Variants in KANK1 observed in about 807,000 individuals in gnomAD.
KANK1 encodes the protein KN motif and ankyrin repeat domain-containing protein 1.
A neutral mutation model predicts 106.2 loss-of-function variants in KANK1; 109 were observed. The ratio of observed to expected loss-of-function variants is 1.03; its 90% CI spans 0.88 to 1.20. The LOEUF is 1.20. Ranked by LOEUF, KANK1 falls within the 50% of genes most tolerant of loss-of-function variation. KANK1 has a pLI of 0.00. For synonymous variants in KANK1, 873 were observed against 652.2 expected, an observed-to-expected ratio of 1.34 and a Z score of -5.16; for missense variants, 2,399 against 1,710.7, an observed-to-expected ratio of 1.40 and a Z score of -7.10.
At chr9:494,617 G>A (rs1245177045) in intron 3 of KANK1, among the ~76,000 whole-genome samples, 8 of 152,164 alleles carry the variant, frequency 5.3e-5, no homozygotes, top group Non-Finnish European at 1.5e-5. Flanking sequence ...CAGCTGCCAT[G>A]TCATGGGCAG....
At chr9:658,532 T>TA (rs1248555651) in intron 1 of KANK1, among the ~76,000 whole-genome samples, 5 of 152,160 alleles carry the variant, frequency 3.3e-5, no homozygotes, top group African/African-American at 4.8e-5. Flanking sequence ...CTATGGCTCT[T>TA]ACTTTTGGTA....
intron 1 of KANK1, among the ~76,000 whole-genome samples, chr9:632,149 G>A (rs11793842): frequency 0.084 from 12,794 of 152,200 alleles, 970 homozygotes; most frequent in East Asian, 0.31. Context: ...ATGGTCAAAC[G>A]TTAGAAAGTG....
At chr9:626,889 G>A (rs924311200) in intron 1 of KANK1, among the ~76,000 whole-genome samples, 12 of 152,208 alleles carry the variant, frequency 7.9e-5, no homozygotes, top group Admixed American at 7.9e-4. Flanking sequence ...TGTTAAACCA[G>A]ATAGAAGACA....
At chr9:632,722 C>T (rs905993901) in intron 1 of KANK1, among the ~76,000 whole-genome samples, 1 of 152,132 alleles carries the variant, frequency 6.6e-6, no homozygotes, top group Non-Finnish European at 1.5e-5. Flanking sequence ...TGGAGTCTCT[C>T]TCTGTTGCCC....
rs1168486963 is a variant in KANK1 at position 712,767 on chromosome 9, T to C, written c.2001T>C (p.Arg667=). 6.2e-7 allele frequency: 1 copy of C among 1,613,880 alleles called. No individual in the cohort carries two copies. Among genetic ancestry groups the C allele is most frequent in the Admixed American group, 1.7e-5 (1 of 59,984 alleles). Residue 667 remains arginine (R), a synonymous_variant, in exon 3 of 12, where the codon CGT becomes CGC. Coordinates refer to ENST00000382297, the MANE Select transcript of KANK1 (RefSeq NM_015158.5). The part of the protein sequence containing the change: ...QVEAAVMAVP[R]TADQDTSTDL... ...AAGCTGCCGTCATGGCAGTGCCTCGTACTGCAGACCAGGACACTAGCACAG... is the reference window on the plus strand; with the variant it reads ...AAGCTGCCGTCATGGCAGTGCCTCGCACTGCAGACCAGGACACTAGCACAG...
intron 1 of KANK1, among the ~76,000 whole-genome samples, chr9:618,392 G>A (rs1205872631): frequency 6.6e-6 from 1 of 152,042 alleles, no homozygotes; most frequent in Non-Finnish European, 1.5e-5. Flanking sequence ...ATTTTTACTA[G>A]AGACAGGGTT....
At chr9:739,152 G>A (rs920084792) in intron 8 of KANK1, among the ~76,000 whole-genome samples, 1 of 152,110 alleles carries the variant, frequency 6.6e-6, no homozygotes, top group African/African-American at 2.4e-5. Context: ...TGAGGGAGGG[G>A]CACATACACA....
At chr9:710,670 G>C (rs1276202441) in intron 2 of KANK1, 134 bp from the exon 3 acceptor site, 2 of 456,206 alleles carry the variant, frequency 4.4e-6, no homozygotes, top group Admixed American at 3.7e-5. Context: ...AGCTGTTGTA[G>C]ATCCAGGTTC....
At chr9:630,428 G>A (rs1017591063) in intron 1 of KANK1, among the ~76,000 whole-genome samples, 5 of 151,584 alleles carry the variant, frequency 3.3e-5, no homozygotes, top group African/African-American at 9.7e-5. Context: ...GCGGGCGCCT[G>A]TAGTCCCAGC....
chr9:558,943 A>T (rs1304546759), intron 1 of KANK1: 3 of 152,156 alleles, frequency 2.0e-5, no homozygotes, highest in South Asian at 2.1e-4. Context: ...AAGAAAAAAA[A>T]ATTTTGGTTC....
At chr9:669,517 G>GA (rs1845426860) in intron 1 of KANK1, among the ~76,000 whole-genome samples, 1 of 131,768 alleles carries the variant, frequency 7.6e-6, no homozygotes, top group African/African-American at 2.6e-5. Flanking sequence ...GGTTTTTTGG[G>GA]GTTTTTTCTT....
chr9:552,748 A>G (rs1223246189), intron 1 of KANK1, among the ~76,000 whole-genome samples: 1 of 152,184 alleles, frequency 6.6e-6, no homozygotes, highest in Non-Finnish European at 1.5e-5. Context: ...AAATATTTTG[A>G]AATGTTTTCT....
intron 2 of KANK1, among the ~76,000 whole-genome samples, chr9:680,395 C>G (rs529229839): frequency 1.3e-5 from 2 of 152,172 alleles, no homozygotes; most frequent in Admixed American, 6.5e-5. Context: ...GAGTCCCTCA[C>G]GGAGGCTGGG....
At chr9:488,861 TAGG>T (rs1375290852) in intron 3 of KANK1, 1 of 152,072 alleles carries the variant, frequency 6.6e-6, no homozygotes, top group African/African-American at 2.4e-5. Context: ...AATGGAATAT[TAGG>T]GGCATAATGG....
intron 1 of KANK1, among the ~76,000 whole-genome samples, chr9:511,672 T>A (rs1336137829): frequency 1.3e-5 from 2 of 152,212 alleles, no homozygotes; most frequent in Non-Finnish European, 1.5e-5. Context: ...ATTTCTGAAT[T>A]ATAGAATTTC....
intron 1 of KANK1, among the ~76,000 whole-genome samples, chr9:670,949 GTTTTT>G (rs5895857): frequency 7.5e-4 from 77 of 103,100 alleles, no homozygotes; most frequent in Middle Eastern, 5.6e-3. Flanking sequence ...GTCTGCTGGA[GTTTTT>G]TTTTTTTTTT....
chr9:565,508 CAAATT>C (rs1344483783), intron 1 of KANK1, among the ~76,000 whole-genome samples: 3 of 152,290 alleles, frequency 2.0e-5, no homozygotes, highest in Non-Finnish European at 4.4e-5. Context: ...AGTTATCACT[CAAATT>C]AATCTCCCTG....
chr9:609,915 A>G (rs1830182389), intron 1 of KANK1, among the ~76,000 whole-genome samples: 1 of 152,140 alleles, frequency 6.6e-6, no homozygotes. Flanking sequence ...AAATGTTTTT[A>G]TCTTTCTTAT....
intron 1 of KANK1, among the ~76,000 whole-genome samples, chr9:566,568 G>T (rs144196036): frequency 3.0e-4 from 45 of 152,254 alleles, no homozygotes; most frequent in African/African-American, 9.9e-4. Flanking sequence ...GTGCGAGATG[G>T]TATCTCCTTG....
Sources: gnomAD v4.1 joint callset for allele counts (sites outside exome capture counted in the v4.1 genomes callset) on GRCh38, gnomAD v4.1.1 for gene constraint, MANE v1.5 for transcripts, NCBI Gene and HGNC (gene_info 2026-07-23, HGNC 2026-07-21) for gene names.